Variants in ENO1 observed in about 807,000 individuals in gnomAD.
The protein encoded by ENO1 is enolase 1.
In ENO1, 33 loss-of-function variants were observed where a neutral mutation model predicts 46.3. The observed-to-expected ratio is 0.71, with a 90% CI of 0.54 to 0.95. The LOEUF (loss-of-function observed/expected upper bound fraction) is 0.95. ENO1 is among the 40% of genes least tolerant of loss of function. ENO1 has a pLI of 0.00. For synonymous variants in ENO1, 220 were observed against 216.0 expected (o/e 1.02, Z -0.16); for missense variants, 488 against 553.3 (o/e 0.88, Z 1.18).
chr1:8,874,477 C>G (rs1226421734), intron 2 of ENO1, among the ~76,000 whole-genome samples: 2 of 138,972 alleles, frequency 1.4e-5, no homozygotes, highest in South Asian at 4.6e-4. Flanking sequence ...ACTTGGGAGG[C>G]TGAGACAGAA....
At chr1:8,876,679 C>A (rs1642738889) in intron 1 of ENO1, among the ~76,000 whole-genome samples, 1 of 151,408 alleles carries the variant, frequency 6.6e-6, no homozygotes, top group African/African-American at 2.4e-5. Flanking sequence ...GGGTGGATCA[C>A]GAGGTCAGGA....
At chr1:8,864,444 G>C (rs1416336671) in intron 8 of ENO1, among the ~76,000 whole-genome samples, 1 of 152,102 alleles carries the variant, frequency 6.6e-6, no homozygotes, top group Non-Finnish European at 1.5e-5. Flanking sequence ...GGGACTATAG[G>C]GGTATGCCAA....
chr1:8,861,665 C>T (rs1416047861), intron 11 of ENO1, among the ~76,000 whole-genome samples: 2 of 152,028 alleles, frequency 1.3e-5, no homozygotes, highest in African/African-American at 2.4e-5. Context: ...TGCTAGGTGC[C>T]CTCCACCCAC....
intron 2 of ENO1, among the ~76,000 whole-genome samples, chr1:8,874,406 C>T (rs537252549): frequency 1.5e-4 from 22 of 151,702 alleles, no homozygotes; most frequent in African/African-American, 3.6e-4. Context: ...GTGAAACCCC[C>T]GTCTCTCCCA....
intron 8 of ENO1, among the ~76,000 whole-genome samples, chr1:8,864,702 C>T (rs1642474603): frequency 6.6e-6 from 1 of 152,150 alleles, no homozygotes; most frequent in Non-Finnish European, 1.5e-5. Context: ...GCCACAGACT[C>T]AGAAGTGAGA....
In ENO1 at chr1:8,863,746, C is replaced by T. The variant is rs548503758; in HGVS notation, c.1067+145G>A. ...CCCCAATTGTTTAATTTAAAAGGCT[C>T]CTGAGTTCAAACACAAAACCTGTTA... On this transcript the variant is annotated intron_variant, in intron 9 of 11. Transcript: ENST00000234590. 2.2e-5 allele frequency: 21 copies of T among 950,652 alleles called. No homozygotes were observed. In the African/African-American group the frequency reaches 3.4e-4, roughly 16 times the overall value. The allele number at this position is 950,652 out of a possible 1,614,324, so 58.9% of individuals were successfully genotyped here.
chr1:8,862,235 G>A (rs972935633), intron 11 of ENO1, among the ~76,000 whole-genome samples: 1 of 152,216 alleles, frequency 6.6e-6, no homozygotes, highest in Non-Finnish European at 1.5e-5. Flanking sequence ...ACTCCAGCCT[G>A]AGTGACATGG....
chr1:8,867,110 C>T lies in ENO1; in HGVS notation c.444+7G>A, dbSNP rs768419437. 1 of 1,610,974 alleles carries T rather than the reference C, an allele frequency of 6.2e-7. No homozygotes were observed. Among genetic ancestry groups the T allele is most frequent in the Non-Finnish European group, 8.5e-7 (1 of 1,177,448 alleles). On this transcript the variant is annotated splice_region_variant and intron_variant, in intron 6 of 11. Transcript: ENST00000234590. ...CCTTGCTTGGGAAGTTCCAATAAAC[C>T]ACTCACCGGGACTGGCAGGATGACT... is the stretch of plus-strand genomic sequence containing the variant.
chr1:8,876,875 G>C (rs1442844501), intron 1 of ENO1, among the ~76,000 whole-genome samples: 1 of 151,326 alleles, frequency 6.6e-6, no homozygotes, highest in Non-Finnish European at 1.5e-5. Flanking sequence ...ACGGAGTTTC[G>C]CTGTTGTCGC....
chr1:8,864,235 G>C, intron 8 of ENO1, 143 bp from the exon 9 acceptor site: 2 of 850,832 alleles, frequency 2.4e-6, no homozygotes, highest in Non-Finnish European at 2.0e-6. Context: ...CTCCCCAACT[G>C]ATCCTTGAAA....
In ENO1 at chr1:8,861,249, C is replaced by G. The variant is rs1642394980; in HGVS notation, c.*111G>C. 3.5e-6 allele frequency: 4 copies of G among 1,150,528 alleles called. No individual in the cohort carries two copies. Among genetic ancestry groups the G allele is most frequent in the Non-Finnish European group, 5.1e-6 (4 of 781,354 alleles). The allele number at this position is 1,150,528 out of a possible 1,614,324, so 71.3% of individuals were successfully genotyped here. On this transcript the variant is annotated 3_prime_UTR_variant, in exon 12 of 12. Transcript: ENST00000234590. ...GAACTCCACGGCGGTGGGGCGCTAA[C>G]TAGCAGGGACCCCTGCAAGTGTTGG...
chr1:8,863,151 G>A (rs1642439531), intron 10 of ENO1, 84 bp downstream of exon 10: 22 of 1,507,272 alleles, frequency 1.5e-5, no homozygotes, highest in East Asian at 2.3e-5. Context: ...TGAGCAAAAC[G>A]GGGACAGACA....
At chr1:8,875,004 T>C (rs1341835271) in intron 1 of ENO1, 87 bp from the exon 2 acceptor site, 3 of 1,144,324 alleles carry the variant, frequency 2.6e-6, no homozygotes, top group Admixed American at 3.9e-5. Flanking sequence ...CCGAGGTTCG[T>C]GGACTAGAGA....
intron 4 of ENO1, among the ~76,000 whole-genome samples, chr1:8,870,014 C>A (rs1642597828): frequency 6.6e-6 from 1 of 152,198 alleles, no homozygotes; most frequent in Non-Finnish European, 1.5e-5. Flanking sequence ...TCCAGCAGCT[C>A]TTTTATGTTT....
In ENO1 at chr1:8,866,506, G is replaced by A. The variant is rs756799755; in HGVS notation, c.445-5C>T. 4.5e-5 allele frequency: 72 copies of A among 1,614,004 alleles called. No individual in the cohort carries two copies. The highest frequency in any genetic ancestry group is 6.0e-5 in the Non-Finnish European group (71 of 1,180,030). On this transcript the variant is annotated splice_polypyrimidine_tract_variant and splice_region_variant and intron_variant, in intron 6 of 11. Coordinates refer to ENST00000234590, the MANE Select transcript of ENO1 (RefSeq NM_001428.5). ...GCCATTGATGACATTGAACGCCTGG[G>A]GAGAGCAGAGCAGAGAAGCATGGCA...
chr1:8,864,459 C>T (rs1642469533), intron 8 of ENO1, among the ~76,000 whole-genome samples: 3 of 152,206 alleles, frequency 2.0e-5, no homozygotes. Flanking sequence ...TGCCAACCTA[C>T]CCAGCTACTT....
chr1:8,870,331 A>G lies in ENO1; in HGVS notation c.240+121T>C, dbSNP rs1214365545. The G allele has an allele frequency of 2.8e-5, 36 of 1,281,038 alleles. No individual in the cohort carries two copies. The Admixed American group carries it at 6.5e-4, about 23-fold the overall frequency. The allele number at this position is 1,281,038 out of a possible 1,614,324, so 79.4% of individuals were successfully genotyped here. A position where few individuals can be genotyped will look rare whatever the true frequency, so the allele number is the denominator to read the frequency against. On this transcript the variant is annotated intron_variant, in intron 4 of 11. Coordinates refer to ENST00000234590, the MANE Select transcript of ENO1 (RefSeq NM_001428.5). ...TGCATGGATTGTTCTCGTGCGTGAC[A>G]GGGAATCCAATAGGCTTCTACAGCT... is the stretch of plus-strand genomic sequence containing the variant.
At position 8,870,521 on chromosome 1, in the gene ENO1, CAATCA is replaced by C; in HGVS notation, c.182-16_182-12del. The C allele has an allele frequency of 6.2e-7, 1 of 1,614,112 alleles. No individual in the cohort carries two copies. The highest frequency in any genetic ancestry group is 8.5e-7 in the Non-Finnish European group (1 of 1,180,010). ...CAGCCTTTGAGACACCTGGAAGGAA[CAATCA>C]AATCAAATTACTGACATTAACTTTA... On this transcript the variant is annotated splice_polypyrimidine_tract_variant and intron_variant, in intron 3 of 11. Transcript: ENST00000234590.
rs1342987202 is a variant in ENO1 at position 8,861,437 on chromosome 1, A to G, written c.1236-8T>C. The G allele has an allele frequency of 2.5e-6, 4 of 1,613,954 alleles. No homozygotes were observed. The African/African-American group carries it at 5.3e-5, about 22-fold the overall frequency. On this transcript the variant is annotated splice_region_variant and splice_polypyrimidine_tract_variant and intron_variant, in intron 11 of 11. Transcript: ENST00000234590. ...CCCAGCTCCTCTTCAATTCTTGGGA[A>G]GGAGAAAGGTAAAGAGATGGGGAGG...
Sources: allele counts gnomAD v4.1 joint callset (sites outside exome capture counted in the v4.1 genomes callset), GRCh38; gene constraint gnomAD v4.1.1; transcripts MANE v1.5; gene names NCBI Gene and HGNC (gene_info 2026-07-23, HGNC 2026-07-21).